The following NTM variants were observed in gnomAD, a reference collection of about 807,000 sequenced individuals.
NTM encodes neurotrimin.
In NTM, 13 loss-of-function variants were observed where a neutral mutation model predicts 42.1. The ratio of observed to expected loss-of-function variants is 0.31; its 90% CI spans 0.20 to 0.49. The LOEUF (loss-of-function observed/expected upper bound fraction) is 0.49, where lower values mean the gene tolerates loss of function less well. NTM is among the 20% of genes least tolerant of loss of function. The pLI is 0.99. For synonymous variants in NTM, 187 were observed against 179.2 expected, an observed-to-expected ratio of 1.04 and a Z score of -0.35; for missense variants, 373 against 452.8, an observed-to-expected ratio of 0.82 and a Z score of 1.60.
intron 1 of NTM, among the ~76,000 whole-genome samples, chr11:131,839,944 G>C (rs1223730702): frequency 6.6e-6 from 1 of 152,166 alleles, no homozygotes; most frequent in South Asian, 2.1e-4. Flanking sequence ...AGACAGGGAG[G>C]GGGCAGCAGA....
intron 1 of NTM, among the ~76,000 whole-genome samples, chr11:131,513,821 A>G (rs1489766039): frequency 6.6e-6 from 1 of 152,176 alleles, no homozygotes; most frequent in Admixed American, 6.5e-5. Context: ...AAGGAGATTC[A>G]TAAAGGTAGT....
At chr11:131,585,096 A>G (rs2058737619) in intron 1 of NTM, among the ~76,000 whole-genome samples, 1 of 152,226 alleles carries the variant, frequency 6.6e-6, no homozygotes, top group South Asian at 2.1e-4. Context: ...TATTGGACGG[A>G]TGGGAGGAGG....
At chr11:131,766,463 G>C (rs2085116667) in intron 1 of NTM, among the ~76,000 whole-genome samples, 2 of 152,124 alleles carry the variant, frequency 1.3e-5, no homozygotes, top group Non-Finnish European at 2.9e-5. Flanking sequence ...GAGCCAGCTT[G>C]TCACCTCGCC....
chr11:131,552,741 C>T (rs1256881353), intron 1 of NTM, among the ~76,000 whole-genome samples: 1 of 149,096 alleles, frequency 6.7e-6, no homozygotes, highest in Non-Finnish European at 1.5e-5. Flanking sequence ...TGGTGTGAAC[C>T]CGGGAGGCGG....
chr11:132,290,172 G>T (rs1396803146), intron 4 of NTM, among the ~76,000 whole-genome samples: 1 of 152,130 alleles, frequency 6.6e-6, no homozygotes, highest in Non-Finnish European at 1.5e-5. Context: ...GAAAGGATAA[G>T]ATGTAGTTAC....
intron 2 of NTM, among the ~76,000 whole-genome samples, chr11:132,069,077 A>G (rs2056963253): frequency 6.6e-6 from 1 of 152,102 alleles, no homozygotes; most frequent in Non-Finnish European, 1.5e-5. Flanking sequence ...TAAACACGTC[A>G]CACAGCCAAG....
intron 4 of NTM, among the ~76,000 whole-genome samples, chr11:132,283,247 A>G (rs1427627808): frequency 6.6e-6 from 1 of 152,096 alleles, no homozygotes; most frequent in African/African-American, 2.4e-5. Flanking sequence ...AGCCTCCTAA[A>G]GTGCTGGGAT....
At chr11:131,549,452 G>A (rs894814434) in intron 1 of NTM, among the ~76,000 whole-genome samples, 1 of 152,116 alleles carries the variant, frequency 6.6e-6, no homozygotes, top group African/African-American at 2.4e-5. Flanking sequence ...GAGAGAAAGA[G>A]TCAAAGGGTT....
chr11:131,870,179 T>A (rs12574509), intron 1 of NTM, among the ~76,000 whole-genome samples: 1 of 152,040 alleles, frequency 6.6e-6, no homozygotes, highest in Non-Finnish European at 1.5e-5. Context: ...AATAGTTCCA[T>A]GCTGAAGTCA....
intron 1 of NTM, among the ~76,000 whole-genome samples, chr11:131,834,087 TTC>T (rs2136578729): frequency 6.6e-6 from 1 of 152,272 alleles, no homozygotes; most frequent in East Asian, 1.9e-4. Context: ...TCCTGATATC[TTC>T]TCTTTCGTTT....
At chr11:132,225,737 G>C (rs542846073) in intron 4 of NTM, among the ~76,000 whole-genome samples, 6 of 152,050 alleles carry the variant, frequency 3.9e-5, no homozygotes, top group Admixed American at 3.9e-4. Context: ...TGTACTTTAA[G>C]TTCTGGGATA....
chr11:131,645,588 C>G (rs971853759), intron 1 of NTM, among the ~76,000 whole-genome samples: 5 of 152,244 alleles, frequency 3.3e-5, no homozygotes, highest in Non-Finnish European at 5.9e-5. Context: ...AAATTCACCT[C>G]TTCTATGAAG....
intron 1 of NTM, among the ~76,000 whole-genome samples, chr11:131,553,520 G>A (rs986980169): frequency 6.6e-6 from 1 of 152,126 alleles, no homozygotes; most frequent in Non-Finnish European, 1.5e-5. Flanking sequence ...GAGGCATTTT[G>A]TCTCTTCCTG....
chr11:131,371,235 G>A (rs1317603113), intron 1 of NTM, among the ~76,000 whole-genome samples: 1 of 152,208 alleles, frequency 6.6e-6, no homozygotes, highest in Admixed American at 6.5e-5. Context: ...GATTCGGAGG[G>A]CAACAGGGTT....
At chr11:132,055,674 A>AGT (rs2079539331) in intron 2 of NTM, among the ~76,000 whole-genome samples, 1 of 85,518 alleles carries the variant, frequency 1.2e-5, no homozygotes, top group African/African-American at 4.1e-5. Flanking sequence ...CGAGAGTGAG[A>AGT]GAGAGAGACA....
chr11:132,113,571 C>T (rs1166442259), intron 2 of NTM, among the ~76,000 whole-genome samples: 1 of 152,184 alleles, frequency 6.6e-6, no homozygotes, highest in African/African-American at 2.4e-5. Context: ...AACCTGGATC[C>T]CCATGAGCTC....
At chr11:131,414,326 T>G (rs866185791) in intron 1 of NTM, among the ~76,000 whole-genome samples, 11 of 152,200 alleles carry the variant, frequency 7.2e-5, no homozygotes, top group Middle Eastern at 6.8e-3. Flanking sequence ...CAGGACTGAG[T>G]GGACAGTCTG....
At chr11:132,239,309 C>T (rs1393019167) in intron 4 of NTM, among the ~76,000 whole-genome samples, 1 of 152,150 alleles carries the variant, frequency 6.6e-6, no homozygotes, top group African/African-American at 2.4e-5. Context: ...GTGAGTTTCC[C>T]AAAATTATCT....
chr11:132,204,185 G>A (rs1445956368), intron 3 of NTM, among the ~76,000 whole-genome samples: 1 of 152,078 alleles, frequency 6.6e-6, no homozygotes, highest in Non-Finnish European at 1.5e-5. Context: ...TAAAATAAAG[G>A]TAATATAGCC....
Sources: allele counts gnomAD v4.1 joint callset (sites outside exome capture counted in the v4.1 genomes callset), GRCh38; gene constraint gnomAD v4.1.1; transcripts MANE v1.5; gene names NCBI Gene and HGNC (gene_info 2026-07-23, HGNC 2026-07-21).